The following TOP6BL variants were observed in gnomAD, a reference collection of about 807,000 sequenced individuals.
TOP6BL encodes the protein TOP6B like initiator of meiotic double strand breaks, also known as type 2 DNA topoisomerase 6 subunit B-like.
the TOP6BL span, chr11:66,828,518 T>C: frequency 1.6e-6 from 1 of 606,616 alleles, no homozygotes; most frequent in Middle Eastern, 4.6e-4. Flanking sequence ...ATCTGTTTTC[T>C]ATCTCTCAGG....
At chr11:66,770,499 T>C in the TOP6BL span, among the ~76,000 whole-genome samples, 1 of 151,574 alleles carries the variant, frequency 6.6e-6, no homozygotes, top group African/African-American at 2.4e-5. Context: ...AGGTCAGGAG[T>C]TGGAGACAAG....
the TOP6BL span, among the ~76,000 whole-genome samples, chr11:66,806,203 T>G: frequency 6.6e-6 from 1 of 152,134 alleles, no homozygotes; most frequent in Admixed American, 6.5e-5. Context: ...GATTCACTAC[T>G]AATTAGCTGT....
the TOP6BL span, among the ~76,000 whole-genome samples, chr11:66,776,907 T>C: frequency 6.6e-6 from 1 of 152,018 alleles, no homozygotes; most frequent in East Asian, 1.9e-4. Context: ...AAAAATTAGC[T>C]GGGCATGGTG....
the TOP6BL span, among the ~76,000 whole-genome samples, chr11:66,830,772 G>A: frequency 6.6e-6 from 1 of 152,156 alleles, no homozygotes; most frequent in African/African-American, 2.4e-5. Context: ...CAACTTAGAT[G>A]AAATGGACAA....
At chr11:66,756,293 T>TA in the TOP6BL span, 1 of 1,126,980 alleles carries the variant, frequency 8.9e-7, no homozygotes, top group Admixed American at 4.0e-5. Context: ...CTATGAAACA[T>TA]ACTGTTTGGG....
chr11:66,780,039 T>C, the TOP6BL span, among the ~76,000 whole-genome samples: 2 of 149,258 alleles, frequency 1.3e-5, no homozygotes. Flanking sequence ...GGGATAGCAT[T>C]AGGAGATATA....
At chr11:66,746,498 T>C in the TOP6BL span, among the ~76,000 whole-genome samples, 1 of 152,132 alleles carries the variant, frequency 6.6e-6, no homozygotes, top group South Asian at 2.1e-4. Context: ...GCGGATCACC[T>C]GAGGTCGGGA....
At chr11:66,793,590 G>A in the TOP6BL span, among the ~76,000 whole-genome samples, 1 of 151,158 alleles carries the variant, frequency 6.6e-6, no homozygotes, top group African/African-American at 2.4e-5. Flanking sequence ...GATCACAGGT[G>A]CCCGTCACCA....
the TOP6BL span, among the ~76,000 whole-genome samples, chr11:66,840,906 GC>G: frequency 6.6e-6 from 1 of 152,042 alleles, no homozygotes; most frequent in Non-Finnish European, 1.5e-5. Context: ...CTGCCTCTGG[GC>G]TCAAGACTCT....
the TOP6BL span, chr11:66,843,374 GGCGTGGAGCCGCGCC>G: frequency 7.0e-7 from 1 of 1,436,310 alleles, no homozygotes; most frequent in African/African-American, 1.5e-5. Flanking sequence ...GGCGGGGCGG[GGCGTGGAGCCGCGCC>G]GCGGCCTGAC....
At chr11:66,810,409 A>C in the TOP6BL span, among the ~76,000 whole-genome samples, 2 of 152,220 alleles carry the variant, frequency 1.3e-5, no homozygotes, top group Non-Finnish European at 2.9e-5. Context: ...ATATAAACCA[A>C]AAAGCATCCA....
At chr11:66,793,879 G>T in the TOP6BL span, among the ~76,000 whole-genome samples, 3 of 152,056 alleles carry the variant, frequency 2.0e-5, no homozygotes, top group Admixed American at 6.6e-5. Context: ...GCCAAGGTGG[G>T]AGGACTGCTT....
the TOP6BL span, among the ~76,000 whole-genome samples, chr11:66,790,255 T>G: frequency 6.6e-6 from 1 of 150,628 alleles, no homozygotes; most frequent in East Asian, 1.9e-4. Context: ...GGTGATAGAG[T>G]GAGACTCTGC....
the TOP6BL span, among the ~76,000 whole-genome samples, chr11:66,794,312 TTTC>T: frequency 1.3e-5 from 2 of 152,062 alleles, no homozygotes; most frequent in Admixed American, 1.3e-4. Context: ...TCTGATTGTA[TTTC>T]TTCTTTCATT....
At chr11:66,816,939 C>T in the TOP6BL span, among the ~76,000 whole-genome samples, 12 of 152,052 alleles carry the variant, frequency 7.9e-5, no homozygotes, top group Admixed American at 7.9e-4. Flanking sequence ...GGATCACTTG[C>T]AGCCAGGAGT....
At chr11:66,794,341 A>G in the TOP6BL span, among the ~76,000 whole-genome samples, 1 of 151,816 alleles carries the variant, frequency 6.6e-6, no homozygotes, top group South Asian at 2.1e-4. Flanking sequence ...GGAGTTCTGC[A>G]TTTTCTAGGA....
the TOP6BL span, among the ~76,000 whole-genome samples, chr11:66,827,751 G>A: frequency 6.6e-6 from 1 of 151,858 alleles, no homozygotes; most frequent in Admixed American, 6.6e-5. Flanking sequence ...GATCACCTGA[G>A]GTCAGGAGTT....
At chr11:66,748,452 T>C in the TOP6BL span, 1 of 1,548,650 alleles carries the variant, frequency 6.5e-7, no homozygotes. Context: ...GAAGGGCAGC[T>C]AGTGATTTCC....
At chr11:66,773,066 T>C in the TOP6BL span, among the ~76,000 whole-genome samples, 1 of 152,170 alleles carries the variant, frequency 6.6e-6, no homozygotes, top group Non-Finnish European at 1.5e-5. Context: ...TTAATAATTA[T>C]ACAGTCTCTC....
Sources: gnomAD v4.1 joint callset for allele counts (sites outside exome capture counted in the v4.1 genomes callset) on GRCh38, gnomAD v4.1.1 for gene constraint, MANE v1.5 for transcripts, NCBI Gene and HGNC (gene_info 2026-07-23, HGNC 2026-07-21) for gene names.